Variants in TMC2 observed in about 807,000 individuals in gnomAD.
TMC2 encodes the protein transmembrane channel-like protein 2.
A neutral mutation model predicts 105.9 loss-of-function variants in TMC2; 102 were observed. The observed-to-expected ratio is 0.96, with a 90% CI of 0.82 to 1.14. The LOEUF (loss-of-function observed/expected upper bound fraction) is 1.14. Among genes scored for constraint, TMC2 ranks in the 50% most tolerant of loss-of-function variants. TMC2 has a pLI of 0.00. For missense variants in TMC2, 1,093 were observed against 1,134.3 expected, an observed-to-expected ratio of 0.96 and a Z score of 0.52; for synonymous variants, 402 against 422.8, an observed-to-expected ratio of 0.95 and a Z score of 0.60.
At chr20:2,538,571 T>G (rs1347823719) in intron 2 of TMC2, among the ~76,000 whole-genome samples, 1 of 152,164 alleles carries the variant, frequency 6.6e-6, no homozygotes, top group Non-Finnish European at 1.5e-5. Flanking sequence ...GCACCCAGCC[T>G]GGCCTCCCTC....
At chr20:2,624,228 G>A (rs201610986) in intron 16 of TMC2, 43 bp from the exon 17 acceptor site, 293 of 1,595,898 alleles carry the variant, frequency 1.8e-4, no homozygotes, top group Non-Finnish European at 2.2e-4. Flanking sequence ...GAATGCCACA[G>A]GCACATGGCA....
At chr20:2,624,450 G>C in intron 17 of TMC2, 54 bp downstream of exon 17, 1 of 1,578,206 alleles carries the variant, frequency 6.3e-7, no homozygotes, top group Non-Finnish European at 8.6e-7. Context: ...CCTTGAATTT[G>C]AGACTTCCTT....
chr20:2,604,771 A>G (rs932973207), intron 11 of TMC2, among the ~76,000 whole-genome samples: 3 of 152,176 alleles, frequency 2.0e-5, no homozygotes, highest in African/African-American at 7.2e-5. Flanking sequence ...ATCAATCATG[A>G]CTACATAATG....
chr20:2,609,533 C>T (rs2086419443), intron 11 of TMC2, among the ~76,000 whole-genome samples: 1 of 152,078 alleles, frequency 6.6e-6, no homozygotes, highest in Non-Finnish European at 1.5e-5. Context: ...CAATAGTAGG[C>T]AGGAATACCG....
rs141696540 is a variant in TMC2 at position 2,624,906 on chromosome 20, G to A, written c.2306+510G>A. Among the ~76,000 whole-genome samples, 116 of 152,256 alleles carry A rather than the reference G, an allele frequency of 7.6e-4. 1 individual carries two copies. In the Middle Eastern group the frequency reaches 0.017, roughly 22 times the overall value. On this transcript the variant is annotated intron_variant, in intron 17 of 19. Coordinates refer to ENST00000358864, the MANE Select transcript of TMC2 (RefSeq NM_080751.3). ...CTCTGAGCCTATCAGGAAGCTGAAC[G>A]GTGATTCGGCCTGATCCTGGCTGGG...
At chr20:2,543,655 A>G (rs1163400351) in intron 2 of TMC2, among the ~76,000 whole-genome samples, 1 of 152,206 alleles carries the variant, frequency 6.6e-6, no homozygotes, top group African/African-American at 2.4e-5. Context: ...GGCGTAGCAC[A>G]AAGTCATCTT....
chr20:2,593,402 A>G lies in TMC2; in HGVS notation c.933+994A>G, dbSNP rs540070000. 6.6e-5 allele frequency among the ~76,000 whole-genome samples: 10 copies of G among 152,338 alleles called. No homozygotes were observed. In the South Asian group the frequency reaches 8.3e-4, roughly 13 times the overall value. On this transcript the variant is annotated intron_variant, in intron 8 of 19. Coordinates refer to ENST00000358864, the MANE Select transcript of TMC2 (RefSeq NM_080751.3). ...TTATTCCATTTGGGAATGAGAATCA[A>G]TGAATATCTGAGGAGGAAGAAAATC...
intron 7 of TMC2, among the ~76,000 whole-genome samples, chr20:2,589,832 G>A (rs994628845): frequency 5.3e-5 from 8 of 152,080 alleles, no homozygotes; most frequent in Non-Finnish European, 1.2e-4. Flanking sequence ...ACCATGCCCG[G>A]CTAATTTTTT....
At chr20:2,567,560 A>T (rs1381125843) in intron 4 of TMC2, among the ~76,000 whole-genome samples, 1 of 152,090 alleles carries the variant, frequency 6.6e-6, no homozygotes, top group East Asian at 1.9e-4. Context: ...TATTTTATTT[A>T]TTTTTATTTT....
chr20:2,627,239 G>T (rs896106261), intron 17 of TMC2, among the ~76,000 whole-genome samples: 5 of 152,076 alleles, frequency 3.3e-5, no homozygotes, highest in African/African-American at 1.2e-4. Flanking sequence ...CTCCACCTTG[G>T]CAGGGCTTAA....
Position 2,582,008 on chromosome 20 carries a change from G to C in TMC2, c.834+1952G>C, listed in dbSNP as rs6115039. ...AGAGAGAGATGCTTTGCTGGAAAGA[G>C]GAGCCTTGGCTTGGGAAGAAGGAGA... On this transcript the variant is annotated intron_variant, in intron 7 of 19. Coordinates refer to ENST00000358864, the MANE Select transcript of TMC2 (RefSeq NM_080751.3). 5.9e-5 allele frequency among the ~76,000 whole-genome samples: 9 copies of C among 151,938 alleles called. No homozygotes were observed. The South Asian group carries it at 1.7e-3, about 28-fold the overall frequency.
At chr20:2,640,482 T>C (rs2086680521) in intron 19 of TMC2, among the ~76,000 whole-genome samples, 1 of 152,180 alleles carries the variant, frequency 6.6e-6, no homozygotes, top group Non-Finnish European at 1.5e-5. Context: ...CTGGGTGCTT[T>C]CACCTGACAG....
chr20:2,600,740 C>T (rs1466034966), intron 10 of TMC2, among the ~76,000 whole-genome samples: 4 of 151,850 alleles, frequency 2.6e-5, no homozygotes, highest in African/African-American at 4.8e-5. Flanking sequence ...AGGAGAATGG[C>T]GTGAACCTGG....
intron 17 of TMC2, among the ~76,000 whole-genome samples, chr20:2,634,500 AGGGATGACAT>A (rs761927763): frequency 3.0e-4 from 45 of 152,216 alleles, no homozygotes; most frequent in Non-Finnish European, 5.9e-4. Flanking sequence ...CTGGCATGAC[AGGGATGACAT>A]GATAGTGACA....
intron 6 of TMC2, among the ~76,000 whole-genome samples, 183 bp downstream of exon 6, chr20:2,579,410 T>G (rs888278750): frequency 9.4e-5 from 14 of 149,548 alleles, no homozygotes; most frequent in African/African-American, 3.2e-4. Context: ...ATTTATTTAT[T>G]TATTTATTTA....
chr20:2,565,998 G>T (rs535669433), intron 4 of TMC2, among the ~76,000 whole-genome samples: 4 of 152,052 alleles, frequency 2.6e-5, no homozygotes, highest in South Asian at 2.1e-4. Context: ...AGATCATGCC[G>T]CTGCACTCCA....
intron 5 of TMC2, among the ~76,000 whole-genome samples, chr20:2,578,327 CAATAAT>C (rs1243034998): frequency 6.6e-6 from 1 of 151,974 alleles, no homozygotes; most frequent in Non-Finnish European, 1.5e-5. Flanking sequence ...CTCAAAATAA[CAATAAT>C]AATAATAATG....
intron 10 of TMC2, among the ~76,000 whole-genome samples, chr20:2,598,892 A>C (rs1033972215): frequency 3.9e-5 from 6 of 152,144 alleles, no homozygotes; most frequent in African/African-American, 1.4e-4. Context: ...CAGTTCCATG[A>C]GATAAAAAAA....
At chr20:2,611,082 G>A (rs763091696) in intron 12 of TMC2, among the ~76,000 whole-genome samples, 1 of 152,218 alleles carries the variant, frequency 6.6e-6, no homozygotes, top group Middle Eastern at 3.2e-3. Flanking sequence ...ATTACAGCAC[G>A]CTGTGGGATG....
Sources: gnomAD v4.1 joint callset for allele counts (sites outside exome capture counted in the v4.1 genomes callset) on GRCh38, gnomAD v4.1.1 for gene constraint, MANE v1.5 for transcripts, NCBI Gene and HGNC (gene_info 2026-07-23, HGNC 2026-07-21) for gene names.